TMEM245: variants seen among roughly 807,000 people sequenced by gnomAD.
The protein encoded by TMEM245 is transmembrane protein 245, also known as protein CG-2.
A neutral mutation model predicts 101.2 loss-of-function variants in TMEM245; 69 were observed. The observed-to-expected ratio is 0.68, with a 90% CI of 0.56 to 0.83. The LOEUF (loss-of-function observed/expected upper bound fraction) is 0.83. TMEM245 is among the 40% of genes least tolerant of loss of function. TMEM245 has a pLI of 0.00. For synonymous variants in TMEM245, 537 were observed against 449.8 expected, an observed-to-expected ratio of 1.19 and a Z score of -2.45; for missense variants, 1,075 against 1,092.8, an observed-to-expected ratio of 0.98 and a Z score of 0.23.
chr9:109,015,301 C>G lies in TMEM245; in HGVS notation c.*5159G>C, dbSNP rs1827399689. The G allele has an allele frequency of 6.6e-6, 1 of 152,116 alleles. No individual in the cohort carries two copies. Among genetic ancestry groups the G allele is most frequent in the Non-Finnish European group, 1.5e-5 (1 of 68,002 alleles). 9.4% of individuals were successfully genotyped at this position (152,116 alleles called of 1,614,324 possible). On this transcript the variant is annotated 3_prime_UTR_variant, in exon 18 of 18. Transcript: ENST00000374586. ...TATTGTATTCGAATATTCTTTTTTA[C>G]TTTTGAATTGCCTCCTTCACCTGAG...
intron 17 of TMEM245, among the ~76,000 whole-genome samples, chr9:109,026,709 A>G (rs924183787): frequency 6.6e-6 from 1 of 150,974 alleles, no homozygotes; most frequent in African/African-American, 2.4e-5. Flanking sequence ...TTAAAATGTG[A>G]TCCCTAATGT....
At chr9:109,081,355 A>G (rs1226013271) in intron 7 of TMEM245, among the ~76,000 whole-genome samples, 1 of 152,242 alleles carries the variant, frequency 6.6e-6, no homozygotes, top group East Asian at 1.9e-4. Context: ...GTATATACAG[A>G]TAGTATTTAT....
At chr9:109,070,257 A>G (rs1237232268) in intron 9 of TMEM245, among the ~76,000 whole-genome samples, 1 of 152,280 alleles carries the variant, frequency 6.6e-6, no homozygotes, top group Non-Finnish European at 1.5e-5. Context: ...CCTGAACCGC[A>G]TACCTACATA....
At chr9:109,063,552 C>T (rs1403568016) in intron 10 of TMEM245, among the ~76,000 whole-genome samples, 2 of 152,152 alleles carry the variant, frequency 1.3e-5, no homozygotes, top group Non-Finnish European at 2.9e-5. Flanking sequence ...CAAATCCTGT[C>T]GATTCTTACA....
At chr9:109,119,174 G>A (rs1337186520) in intron 1 of TMEM245, among the ~76,000 whole-genome samples, 161 bp downstream of exon 1, 2 of 152,214 alleles carry the variant, frequency 1.3e-5, no homozygotes, top group East Asian at 1.9e-4. Flanking sequence ...AAGAATGTCC[G>A]CCAAATTCCT....
intron 3 of TMEM245, among the ~76,000 whole-genome samples, chr9:109,100,826 A>G (rs1013166827): frequency 1.3e-5 from 2 of 152,202 alleles, no homozygotes; most frequent in Admixed American, 1.3e-4. Context: ...AGCACATTTA[A>G]AAGCACTTGA....
intron 15 of TMEM245, among the ~76,000 whole-genome samples, chr9:109,037,492 C>T (rs1023746929): frequency 1.3e-5 from 2 of 152,154 alleles, no homozygotes; most frequent in Non-Finnish European, 2.9e-5. Context: ...TGGATCATGG[C>T]GGGTGGATTT....
chr9:109,078,183 T>C (rs1366869024), intron 8 of TMEM245, among the ~76,000 whole-genome samples: 4 of 152,222 alleles, frequency 2.6e-5, no homozygotes, highest in Admixed American at 2.6e-4. Context: ...CCATTACAGT[T>C]CTACTTGCCA....
intron 17 of TMEM245, among the ~76,000 whole-genome samples, chr9:109,030,049 T>C (rs951166420): frequency 6.6e-6 from 1 of 152,226 alleles, no homozygotes; most frequent in Non-Finnish European, 1.5e-5. Context: ...ATCTAACCAG[T>C]ATCACCGTTT....
chr9:109,098,363 C>T (rs1221952207), intron 3 of TMEM245, among the ~76,000 whole-genome samples: 5 of 152,096 alleles, frequency 3.3e-5, no homozygotes, highest in African/African-American at 9.7e-5. Flanking sequence ...GCACATTTTT[C>T]GAGCACCTCA....
intron 5 of TMEM245, 133 bp from the exon 6 acceptor site, chr9:109,087,475 A>C: frequency 1.0e-6 from 1 of 957,274 alleles, no homozygotes; most frequent in East Asian, 2.8e-5. Flanking sequence ...AATGTTAAAA[A>C]GCAGGGTGGG....
At chr9:109,064,396 CTTATGTT>C in intron 10 of TMEM245, 74 bp downstream of exon 10, 3 of 1,252,026 alleles carry the variant, frequency 2.4e-6, no homozygotes, top group Non-Finnish European at 3.4e-6. Context: ...AGCATTTCTA[CTTATGTT>C]TTATCAAAGC....
intron 3 of TMEM245, among the ~76,000 whole-genome samples, chr9:109,093,883 T>C (rs1230815401): frequency 1.3e-5 from 2 of 152,172 alleles, no homozygotes; most frequent in Non-Finnish European, 2.9e-5. Flanking sequence ...TGTTAACAAG[T>C]TGATTTTAAT....
Position 109,060,432 on chromosome 9 carries a change from A to C in TMEM245, c.1644T>G (p.Asp548Glu), listed in dbSNP as rs1382949273. 2 of 1,612,890 alleles carry C rather than the reference A, an allele frequency of 1.2e-6. No individual in the cohort carries two copies. Among genetic ancestry groups the C allele is most frequent in the African/African-American group, 2.7e-5 (2 of 74,928 alleles). Reference sequence around the variant, plus strand: ...CAATTACAGCAGTATTGTTCACCTTATCTCCTAGAATTTTATGGAGCTAGA... The same window carrying C: ...CAATTACAGCAGTATTGTTCACCTTCTCTCCTAGAATTTTATGGAGCTAGA... ...ITHKLHKILG[D>E]KVNNTAVIEK... Residue 548 changes from aspartate (D) to glutamate (E), a missense_variant, in exon 11 of 18, where the codon GAT becomes GAG. Asp to Glu is a conservative substitution (Grantham distance 45). Around this residue, in one of 2 missense-constraint regions of TMEM245, gnomAD observed 808 missense variants for 741.5 expected, o/e 1.09. Coordinates refer to ENST00000374586, the MANE Select transcript of TMEM245 (RefSeq NM_032012.4).
intron 1 of TMEM245, among the ~76,000 whole-genome samples, chr9:109,113,717 G>A (rs1164540267): frequency 6.6e-6 from 1 of 152,184 alleles, no homozygotes; most frequent in Non-Finnish European, 1.5e-5. Context: ...ATTGTCATCT[G>A]GGTATTAACT....
rs769000477 is a variant in TMEM245 at position 109,069,248 on chromosome 9, G to A, written c.1532+4108C>T. 2.6e-5 allele frequency among the ~76,000 whole-genome samples: 4 copies of A among 152,042 alleles called. No homozygotes were observed. In the East Asian group the frequency reaches 5.8e-4, roughly 22 times the overall value. On this transcript the variant is annotated intron_variant, in intron 9 of 17. Coordinates refer to ENST00000374586, the MANE Select transcript of TMEM245 (RefSeq NM_032012.4). ...GAGAATGCTGCTACTATTCAAAACC[G>A]GTACAAAAGGGCTCTGCATTGACTT...
At chr9:109,040,822 C>T (rs946282519) in intron 14 of TMEM245, among the ~76,000 whole-genome samples, 16 of 152,144 alleles carry the variant, frequency 1.1e-4, no homozygotes, top group Non-Finnish European at 1.3e-4. Flanking sequence ...TCTACTACAA[C>T]TTGCTTATCC....
At chr9:109,033,789 G>A (rs1394037124) in intron 16 of TMEM245, among the ~76,000 whole-genome samples, 2 of 152,182 alleles carry the variant, frequency 1.3e-5, no homozygotes, top group Non-Finnish European at 2.9e-5. Context: ...CCCATTACAG[G>A]TGCCTGCCTA....
At chr9:109,021,794 C>A (rs1385522708) in intron 17 of TMEM245, among the ~76,000 whole-genome samples, 4 of 152,046 alleles carry the variant, frequency 2.6e-5, no homozygotes, top group Admixed American at 6.5e-5. Flanking sequence ...CAAAATGAGA[C>A]CCTGCACCAC....
Sources: gnomAD v4.1 joint callset for allele counts (sites outside exome capture counted in the v4.1 genomes callset) on GRCh38, gnomAD v4.1.1 for gene constraint, gnomAD v4.1.1 regional missense constraint, MANE v1.5 for transcripts, NCBI Gene and HGNC (gene_info 2026-07-23, HGNC 2026-07-21) for gene names.